The following MTX2 variants were observed in gnomAD, a reference collection of about 807,000 sequenced individuals.
MTX2 encodes the protein metaxin-2.
In MTX2, 35 loss-of-function variants were observed where a neutral mutation model predicts 42.3. The ratio of observed to expected loss-of-function variants is 0.83; its 90% CI spans 0.63 to 1.10. The LOEUF is 1.10. Ranked by LOEUF, MTX2 falls within the 50% of genes least tolerant of loss-of-function variation. The probability of loss-of-function intolerance (pLI) is 0.00; values close to 1 mark genes in which losing one functional copy is unlikely to be tolerated. For missense variants in MTX2, 307 were observed against 304.1 expected (o/e 1.01, Z -0.07); for synonymous variants, 119 against 100.9 (o/e 1.18, Z -1.08).
At chr2:176,299,965 T>C (rs574408633) in intron 3 of MTX2, among the ~76,000 whole-genome samples, 98 of 152,112 alleles carry the variant, frequency 6.4e-4, no homozygotes, top group Non-Finnish European at 1.3e-3. Flanking sequence ...CTAAGAACTT[T>C]TATGATTTCA....
chr2:176,277,521 G>C (rs1046767228), intron 1 of MTX2, among the ~76,000 whole-genome samples: 3 of 152,162 alleles, frequency 2.0e-5, no homozygotes, highest in African/African-American at 7.2e-5. Flanking sequence ...TCCTGCCTCA[G>C]ACTCCTGAGT....
At chr2:176,279,516 A>G (rs1025922028) in intron 1 of MTX2, among the ~76,000 whole-genome samples, 26 of 152,086 alleles carry the variant, frequency 1.7e-4, no homozygotes, top group Admixed American at 6.6e-5. Flanking sequence ...TTTCTTTCTT[A>G]TTTTATAAAT....
intron 7 of MTX2, 128 bp downstream of exon 7, chr2:176,329,040 A>C (rs1352877733): frequency 1.1e-6 from 1 of 946,352 alleles, no homozygotes; most frequent in African/African-American, 1.7e-5. Flanking sequence ...TTTTTCACTT[A>C]CTTTAATTTT....
At chr2:176,305,739 CAA>C (rs1298681129) in intron 3 of MTX2, among the ~76,000 whole-genome samples, 2 of 151,986 alleles carry the variant, frequency 1.3e-5, no homozygotes, top group African/African-American at 4.8e-5. Flanking sequence ...AAAATTGACT[CAA>C]ATATTCCAGG....
At chr2:176,285,991 G>A (rs1377958115) in intron 1 of MTX2, among the ~76,000 whole-genome samples, 1 of 152,180 alleles carries the variant, frequency 6.6e-6, no homozygotes, top group African/African-American at 2.4e-5. Flanking sequence ...AGCAACGTGT[G>A]AGAATTTTTG....
At chr2:176,293,459 G>T (rs1456398981) in intron 1 of MTX2, among the ~76,000 whole-genome samples, 1 of 152,164 alleles carries the variant, frequency 6.6e-6, no homozygotes. Flanking sequence ...TTGGAGGTGG[G>T]TCCTGGTGGA....
At chr2:176,316,071 T>G (rs1403418325) in intron 3 of MTX2, among the ~76,000 whole-genome samples, 3 of 152,196 alleles carry the variant, frequency 2.0e-5, no homozygotes. Context: ...AGGACAGTCC[T>G]TGATACATAG....
intron 1 of MTX2, among the ~76,000 whole-genome samples, chr2:176,286,274 A>G (rs921856067): frequency 1.3e-5 from 2 of 152,152 alleles, no homozygotes; most frequent in Non-Finnish European, 2.9e-5. Context: ...TATATGCTGT[A>G]TGAGTTTTGC....
intron 3 of MTX2, among the ~76,000 whole-genome samples, chr2:176,321,453 G>C (rs954164361): frequency 4.6e-5 from 7 of 152,168 alleles, no homozygotes; most frequent in Non-Finnish European, 7.3e-5. Context: ...GGATTTGGCA[G>C]TGAGTGACAG....
At chr2:176,330,884 T>A (rs1414239595) in intron 9 of MTX2, among the ~76,000 whole-genome samples, 1 of 151,102 alleles carries the variant, frequency 6.6e-6, no homozygotes, top group Non-Finnish European at 1.5e-5. Flanking sequence ...TTAAAGGCAG[T>A]CATGTAAATC....
intron 7 of MTX2, 128 bp from the exon 8 acceptor site, chr2:176,329,173 G>A: frequency 8.9e-7 from 1 of 1,121,354 alleles, no homozygotes; most frequent in South Asian, 2.0e-5. Context: ...TAGATTGCAG[G>A]ATGTGTATTT....
At chr2:176,327,244 G>A (rs1419309042) in intron 5 of MTX2, among the ~76,000 whole-genome samples, 1 of 151,132 alleles carries the variant, frequency 6.6e-6, no homozygotes, top group Non-Finnish European at 1.5e-5. Context: ...GTGTCTGGCT[G>A]ACCTTTGAAA....
intron 8 of MTX2, 96 bp from the exon 9 acceptor site, chr2:176,330,488 T>C (rs1225383989): frequency 5.2e-6 from 4 of 761,974 alleles, no homozygotes; most frequent in Non-Finnish European, 8.2e-6. Context: ...TAAATTTATA[T>C]TTTTGTTATA....
At position 176,329,332 on chromosome 2, in the gene MTX2, C is replaced by T; in HGVS notation, c.449C>T (p.Pro150Leu). ...CATGCTAGGTATGGATCTCCTTACC[C>T]TTGGCCTCTGAATCATATTTTGGCC... ...ITHARYGSPYPWPLNHILAYQ... is the reference protein window; with the variant it reads ...ITHARYGSPYLWPLNHILAYQ... The change falls in exon 8 of 10, where the codon CCT becomes CTT. Residue 150 changes from proline to leucine, a missense_variant. Transcript: ENST00000249442. 2 of 1,607,366 alleles carry T rather than the reference C, an allele frequency of 1.2e-6. No individual in the cohort carries two copies. The highest frequency in any genetic ancestry group is 1.7e-6 in the Non-Finnish European group (2 of 1,175,424).
At chr2:176,298,910 A>G (rs536916456) in intron 3 of MTX2, among the ~76,000 whole-genome samples, 9 of 152,156 alleles carry the variant, frequency 5.9e-5, no homozygotes, top group East Asian at 1.9e-4. Flanking sequence ...AACAGAAAAT[A>G]TAGCCAGGCT....
chr2:176,285,500 A>C (rs1339716262), intron 1 of MTX2, among the ~76,000 whole-genome samples: 1 of 151,246 alleles, frequency 6.6e-6, no homozygotes, highest in Non-Finnish European at 1.5e-5. Flanking sequence ...CCTCCAAAAG[A>C]AACTCCTTGC....
At chr2:176,322,952 C>T (rs901049531) in intron 3 of MTX2, among the ~76,000 whole-genome samples, 2 of 151,664 alleles carry the variant, frequency 1.3e-5, no homozygotes, top group Admixed American at 6.6e-5. Flanking sequence ...TTTGAGGTAG[C>T]AGAGATAGTA....
chr2:176,290,433 A>G (rs1048621912), intron 1 of MTX2, among the ~76,000 whole-genome samples: 18 of 152,102 alleles, frequency 1.2e-4, no homozygotes. Flanking sequence ...AAAAACTTCA[A>G]ATAAGTAGTT....
chr2:176,322,615 A>T (rs1425601545), intron 3 of MTX2, among the ~76,000 whole-genome samples: 1 of 152,046 alleles, frequency 6.6e-6, no homozygotes, highest in Non-Finnish European at 1.5e-5. Flanking sequence ...GGTTTGGCAG[A>T]GTTCACTGGT....
Sources: gnomAD v4.1 joint callset for allele counts (sites outside exome capture counted in the v4.1 genomes callset) on GRCh38, gnomAD v4.1.1 for gene constraint, MANE v1.5 for transcripts, NCBI Gene and HGNC (gene_info 2026-07-23, HGNC 2026-07-21) for gene names.